PPP3R1: variants seen among roughly 807,000 people sequenced by gnomAD.
PPP3R1 encodes calcineurin subunit B type 1.
A neutral mutation model predicts 22.6 loss-of-function variants in PPP3R1; 5 were observed. That is an observed-to-expected ratio of 0.22 (90% confidence interval 0.12 to 0.46). The LOEUF is 0.46. Ranked by LOEUF, PPP3R1 falls within the 20% of genes least tolerant of loss-of-function variation. The pLI, the probability that PPP3R1 is intolerant of heterozygous loss-of-function variation, is 0.99. For missense variants in PPP3R1, 61 were observed against 203.2 expected (o/e 0.30, Z 4.25); for synonymous variants, 56 against 65.2 (o/e 0.86, Z 0.68).
chr2:68,242,234 C>G (rs1189419464), intron 1 of PPP3R1, among the ~76,000 whole-genome samples: 1 of 152,066 alleles, frequency 6.6e-6, no homozygotes, highest in African/African-American at 2.4e-5. Flanking sequence ...TGAGACTAGC[C>G]TGATCAACAT....
chr2:68,204,043 T>C (rs988674877), intron 2 of PPP3R1, among the ~76,000 whole-genome samples: 1 of 152,218 alleles, frequency 6.6e-6, no homozygotes, highest in Non-Finnish European at 1.5e-5. Flanking sequence ...ACACTGGCTT[T>C]ATCAAAAATT....
At chr2:68,186,336 A>G in intron 5 of PPP3R1, 132 bp downstream of exon 5, 1 of 804,782 alleles carries the variant, frequency 1.2e-6, no homozygotes, top group Non-Finnish European at 1.9e-6. Context: ...CACATTTCAA[A>G]ACAATACGGG....
intron 1 of PPP3R1, among the ~76,000 whole-genome samples, chr2:68,238,263 G>A (rs1479518781): frequency 2.6e-5 from 4 of 152,092 alleles, no homozygotes; most frequent in Non-Finnish European, 4.4e-5. Flanking sequence ...AGTTTAGGAG[G>A]GCAGGCAATT....
intron 5 of PPP3R1, among the ~76,000 whole-genome samples, chr2:68,184,503 T>C (rs1208844466): frequency 1.3e-5 from 2 of 152,222 alleles, no homozygotes; most frequent in Non-Finnish European, 2.9e-5. Context: ...AAATAAATTA[T>C]ACATGGGTTC....
intron 1 of PPP3R1, among the ~76,000 whole-genome samples, chr2:68,249,852 T>C (rs572034578): frequency 2.0e-5 from 3 of 152,246 alleles, no homozygotes; most frequent in Non-Finnish European, 4.4e-5. Flanking sequence ...TAACTAGTGA[T>C]ATTTCATACT....
chr2:68,237,575 T>C (rs1360927119), intron 1 of PPP3R1, among the ~76,000 whole-genome samples: 1 of 152,114 alleles, frequency 6.6e-6, no homozygotes, highest in Non-Finnish European at 1.5e-5. Flanking sequence ...GTGACGAGAA[T>C]GAATAATAAA....
At chr2:68,199,436 A>G (rs1343867638) in intron 2 of PPP3R1, among the ~76,000 whole-genome samples, 1 of 152,162 alleles carries the variant, frequency 6.6e-6, no homozygotes, top group Non-Finnish European at 1.5e-5. Flanking sequence ...TTCCTTTCCA[A>G]TCTCAAGTCT....
At chr2:68,200,429 T>C (rs1318507584) in intron 2 of PPP3R1, among the ~76,000 whole-genome samples, 1 of 152,102 alleles carries the variant, frequency 6.6e-6, no homozygotes, top group Non-Finnish European at 1.5e-5. Context: ...GCTGAACATT[T>C]ATAACAATCC....
intron 2 of PPP3R1, among the ~76,000 whole-genome samples, chr2:68,196,355 A>G (rs1163014542): frequency 6.6e-6 from 1 of 152,210 alleles, no homozygotes; most frequent in Non-Finnish European, 1.5e-5. Context: ...AAAAGCTCCA[A>G]AAAAATTTTC....
At chr2:68,187,104 T>C in intron 4 of PPP3R1, 151 bp downstream of exon 4, 3 of 616,168 alleles carry the variant, frequency 4.9e-6, no homozygotes, top group South Asian at 3.1e-5. Context: ...GGAAATGTCC[T>C]AAAAGGATTT....
At chr2:68,222,568 C>T (rs1042630749) in intron 1 of PPP3R1, among the ~76,000 whole-genome samples, 2 of 152,186 alleles carry the variant, frequency 1.3e-5, no homozygotes, top group Non-Finnish European at 2.9e-5. Flanking sequence ...CAAAGTCAAG[C>T]TTTTCCTTAC....
chr2:68,229,904 G>C (rs192494569), intron 1 of PPP3R1, among the ~76,000 whole-genome samples: 104 of 151,532 alleles, frequency 6.9e-4, no homozygotes, highest in Admixed American at 2.9e-3. Context: ...ATATACGGGT[G>C]TGTGTGTATA....
At chr2:68,248,015 T>C (rs770703690) in intron 1 of PPP3R1, among the ~76,000 whole-genome samples, 3 of 152,166 alleles carry the variant, frequency 2.0e-5, no homozygotes, top group Non-Finnish European at 4.4e-5. Flanking sequence ...CCCACTGCTT[T>C]TAGGAGAAAA....
At chr2:68,247,834 A>G (rs946406630) in intron 1 of PPP3R1, among the ~76,000 whole-genome samples, 6 of 152,122 alleles carry the variant, frequency 3.9e-5, no homozygotes, top group Admixed American at 3.3e-4. Flanking sequence ...CCTACTATCT[A>G]TCTGCATTGT....
At chr2:68,196,301 T>A (rs1322959713) in intron 2 of PPP3R1, among the ~76,000 whole-genome samples, 2 of 147,406 alleles carry the variant, frequency 1.4e-5, no homozygotes, top group African/African-American at 5.1e-5. Context: ...GTGACCCCAA[T>A]GAGAAGTAAA....
intron 1 of PPP3R1, among the ~76,000 whole-genome samples, chr2:68,248,457 T>C (rs1670278811): frequency 6.6e-6 from 1 of 152,246 alleles, no homozygotes; most frequent in African/African-American, 2.4e-5. Flanking sequence ...TAAGAGACGC[T>C]TGACTCAACT....
chr2:68,187,516 C>T (rs1674570353), intron 3 of PPP3R1, among the ~76,000 whole-genome samples: 1 of 152,118 alleles, frequency 6.6e-6, no homozygotes, highest in South Asian at 2.1e-4. Context: ...ACTTGGAGTT[C>T]TCTAAGGTCA....
At chr2:68,248,416 C>T (rs534062316) in intron 1 of PPP3R1, among the ~76,000 whole-genome samples, 32 of 152,204 alleles carry the variant, frequency 2.1e-4, no homozygotes, top group Non-Finnish European at 3.7e-4. Flanking sequence ...ACAATTATGT[C>T]TTAAGTACAT....
chr2:68,237,764 G>A (rs1232268475), intron 1 of PPP3R1, among the ~76,000 whole-genome samples: 2 of 151,958 alleles, frequency 1.3e-5, no homozygotes, highest in Non-Finnish European at 2.9e-5. Flanking sequence ...GATATATCTA[G>A]TAAGTGAACA....
Sources: gnomAD v4.1 joint callset for allele counts (sites outside exome capture counted in the v4.1 genomes callset) on GRCh38, gnomAD v4.1.1 for gene constraint, MANE v1.5 for transcripts, NCBI Gene and HGNC (gene_info 2026-07-23, HGNC 2026-07-21) for gene names.